Variants in FGF13 observed in about 807,000 individuals in gnomAD.
The protein encoded by FGF13 is fibroblast growth factor homologous factor 2.
A neutral mutation model predicts 19.5 loss-of-function variants in FGF13; 2 were observed. The observed-to-expected ratio is 0.10, with a 90% confidence interval of 0.04 to 0.32. FGF13 has a LOEUF of 0.32. Among genes scored for constraint, FGF13 ranks in the 10% least tolerant of loss-of-function variants. The pLI is 1.00. For synonymous variants in FGF13, 72 were observed against 76.9 expected, an observed-to-expected ratio of 0.94 and a Z score of 0.33; for missense variants, 113 against 192.7, an observed-to-expected ratio of 0.59 and a Z score of 2.45.
intron 1 of FGF13, among the ~76,000 whole-genome samples, chrX:138,872,306 C>T (rs185272198): frequency 1.6e-3 from 180 of 111,989 alleles, no homozygotes; most frequent in Middle Eastern, 9.3e-3. Flanking sequence ...GGAGGAGAGA[C>T]ATCCCACAGT....
downstream of FGF13, among the ~76,000 whole-genome samples, chrX:138,856,094 A>G (rs1260797181): frequency 9.0e-6 from 1 of 111,067 alleles, no homozygotes; most frequent in Non-Finnish European, 1.9e-5. Flanking sequence ...TTAAAGTACA[A>G]AATAAAGTTA....
intron 1 of FGF13, among the ~76,000 whole-genome samples, chrX:139,125,267 A>G (rs1364654375): frequency 1.8e-5 from 2 of 111,566 alleles, no homozygotes; most frequent in Non-Finnish European, 3.8e-5. Flanking sequence ...CTGATTTTTC[A>G]TAAATGTCTT....
At chrX:138,639,028 G>A (rs996618968) in intron 3 of FGF13, among the ~76,000 whole-genome samples, 3 of 111,733 alleles carry the variant, frequency 2.7e-5, no homozygotes, top group Non-Finnish European at 3.8e-5. Flanking sequence ...AACCAAAGGA[G>A]TGTTCTGTTC....
At chrX:138,734,460 A>C (rs147675456) in intron 1 of FGF13, among the ~76,000 whole-genome samples, 1,671 of 111,297 alleles carry the variant, frequency 0.015, 37 homozygotes, top group African/African-American at 0.051. Context: ...GGAATATAAT[A>C]ATCTAGAGGG....
At chrX:138,958,249 T>C (rs950280698) in intron 1 of FGF13, among the ~76,000 whole-genome samples, 2 of 112,026 alleles carry the variant, frequency 1.8e-5, no homozygotes, top group Admixed American at 9.5e-5. Flanking sequence ...CTGTTGAATT[T>C]TGTCAAAGGC....
At chrX:139,086,526 A>G (rs962706634) in intron 1 of FGF13, among the ~76,000 whole-genome samples, 1 of 111,661 alleles carries the variant, frequency 9.0e-6, no homozygotes, top group Non-Finnish European at 1.9e-5. Context: ...TTTATTATAT[A>G]TTGCAAAATA....
intron 1 of FGF13, among the ~76,000 whole-genome samples, chrX:139,183,751 T>C (rs2084258453): frequency 8.9e-6 from 1 of 112,061 alleles, no homozygotes; most frequent in Non-Finnish European, 1.9e-5. Flanking sequence ...GTCTCAGGAA[T>C]TCCTTTATAG....
At position 138,946,667 on chromosome X, in the gene FGF13, G is replaced by A. The variant is rs182626380; in HGVS notation, c.-112-82017C>T. On this transcript the variant is annotated intron_variant, in intron 1 of 2. Coordinates refer to the FGF13 transcript ENST00000421460. ...ACTCTAAATGATGCAACAGCAGGAA[G>A]CATTGCTATTATCAACACCATCATC... 2.5e-4 allele frequency among the ~76,000 whole-genome samples: 28 copies of A among 112,077 alleles called. No homozygotes were observed. In the South Asian group the frequency reaches 7.8e-3, roughly 31 times the overall value.
chrX:139,201,395 C>T (rs145974735), intron 1 of FGF13, among the ~76,000 whole-genome samples: 1,722 of 111,850 alleles, frequency 0.015, 41 homozygotes, highest in African/African-American at 0.052. Context: ...TGAGCCCTAA[C>T]TGATGGGGGT....
rs748166487 is a variant in FGF13 at position 138,957,348 on chromosome X, G to C, written c.-112-92698C>G. On this transcript the variant is annotated intron_variant, in intron 1 of 2. Transcript: ENST00000421460. ...TGAAAAGATGGATGAAGAATGAAGA[G>C]ACACAGGAATATATTTACTTTTCAT... is the stretch of plus-strand genomic sequence containing the variant. Among the ~76,000 whole-genome samples, 6 of 111,957 alleles carry C rather than the reference G, an allele frequency of 5.4e-5. No individual in the cohort carries two copies. The East Asian group carries it at 1.7e-3, about 31-fold the overall frequency.
chrX:138,839,585 T>C (rs2091135915), intron 3 of FGF13, among the ~76,000 whole-genome samples: 1 of 111,871 alleles, frequency 8.9e-6, no homozygotes, highest in African/African-American at 3.2e-5. Flanking sequence ...TGAAAATCTT[T>C]AATAAATCAG....
At chrX:138,843,694 A>G (rs1169063306) in intron 3 of FGF13, among the ~76,000 whole-genome samples, 6 of 111,788 alleles carry the variant, frequency 5.4e-5, no homozygotes, top group Admixed American at 1.9e-4. Flanking sequence ...AGTGCAAGGG[A>G]AAAAAACCTT....
chrX:139,069,318 A>G (rs2092368526), intron 1 of FGF13, among the ~76,000 whole-genome samples: 1 of 64,148 alleles, frequency 1.6e-5, no homozygotes, highest in Non-Finnish European at 2.9e-5. Flanking sequence ...TTGTAGGGAC[A>G]TGGATGAAAT....
intron 1 of FGF13, among the ~76,000 whole-genome samples, chrX:139,119,323 G>A (rs957387087): frequency 2.7e-5 from 3 of 112,392 alleles, no homozygotes; most frequent in Middle Eastern, 4.6e-3. Context: ...TTACAACTAT[G>A]AGGCTTAGTA....
At chrX:138,633,076 C>T (rs1449532119) in intron 4 of FGF13, 90 bp from the exon 5 acceptor site, 9 of 947,990 alleles carry the variant, frequency 9.5e-6, no homozygotes, top group Non-Finnish European at 1.3e-5. Flanking sequence ...GTGTTCTATT[C>T]CACACACCTA....
intron 1 of FGF13, among the ~76,000 whole-genome samples, chrX:138,718,477 T>C (rs755942708): frequency 8.9e-6 from 1 of 111,895 alleles, no homozygotes; most frequent in Non-Finnish European, 1.9e-5. Context: ...AATGATCTAG[T>C]GTCTGTTATT....
intron 1 of FGF13, among the ~76,000 whole-genome samples, chrX:139,078,414 T>C (rs17331408): frequency 0.091 from 10,148 of 110,934 alleles, 397 homozygotes; most frequent in South Asian, 0.19. Flanking sequence ...ACAAGGACAA[T>C]GACATGATCT....
chrX:138,971,474 T>C (rs1027873985), intron 1 of FGF13, among the ~76,000 whole-genome samples: 2 of 112,273 alleles, frequency 1.8e-5, no homozygotes, highest in Non-Finnish European at 3.8e-5. Context: ...CTTTTTTAAT[T>C]GAGTTGTAAT....
Position 138,711,059 on chromosome X carries a change from C to T in FGF13, c.-56G>A, listed in dbSNP as rs1201882429. 8 of 1,186,831 alleles carry T rather than the reference C, an allele frequency of 6.7e-6. No homozygotes were observed. In the Admixed American group the frequency reaches 9.0e-5, roughly 13 times the overall value. ...TGCTGCCCCTCTCTGGGTTCGCCTC[C>T]TCCTCCTTCTCCTCCGCTGCTTGTC... On this transcript the variant is annotated 5_prime_UTR_variant, in exon 1 of 5. Coordinates refer to ENST00000315930, the MANE Select transcript of FGF13 (RefSeq NM_004114.5).
Sources: allele counts gnomAD v4.1 joint callset (sites outside exome capture counted in the v4.1 genomes callset), GRCh38; gene constraint gnomAD v4.1.1; transcripts MANE v1.5; gene names NCBI Gene and HGNC (gene_info 2026-07-23, HGNC 2026-07-21).